The following MAF variants were observed in gnomAD, a reference collection of about 807,000 sequenced individuals.
MAF encodes MAF bZIP transcription factor.
Under a neutral mutation model 22.0 loss-of-function variants are expected in MAF, and 10 were observed. The observed-to-expected ratio is 0.45, with a 90% CI of 0.28 to 0.77. The LOEUF (loss-of-function observed/expected upper bound fraction) is 0.77, where lower values mean the gene tolerates loss of function less well. MAF is among the 30% of genes least tolerant of loss of function. The pLI is 0.12. For synonymous variants in MAF, 337 were observed against 255.8 expected (o/e 1.32, Z -3.03); for missense variants, 544 against 548.4 (o/e 0.99, Z 0.08).
At chr16:79,228,491 G>C in the MAF span, among the ~76,000 whole-genome samples, 1 of 151,968 alleles carries the variant, frequency 6.6e-6, no homozygotes, top group Non-Finnish European at 1.5e-5. Context: ...CTTTGGATAG[G>C]AAAGCTTCAC....
chr16:79,257,760 G>A, the MAF span, among the ~76,000 whole-genome samples: 138 of 152,320 alleles, frequency 9.1e-4, no homozygotes, highest in Admixed American at 1.8e-3. Context: ...GTAAGTGTGA[G>A]CTAGAATCAT....
chr16:79,555,517 A>G, the MAF span, among the ~76,000 whole-genome samples: 3 of 151,816 alleles, frequency 2.0e-5, no homozygotes, highest in East Asian at 1.9e-4. Context: ...TTAAGCTACC[A>G]ATGTAAAATT....
the MAF span, among the ~76,000 whole-genome samples, chr16:79,501,554 G>T: frequency 6.6e-6 from 1 of 150,738 alleles, no homozygotes; most frequent in South Asian, 2.1e-4. Context: ...CAAAGTCTAA[G>T]TTAATTTTCC....
chr16:79,443,440 G>C, the MAF span, among the ~76,000 whole-genome samples: 1 of 152,196 alleles, frequency 6.6e-6, no homozygotes, highest in Non-Finnish European at 1.5e-5. Flanking sequence ...GGGACAGTCT[G>C]GTTGGATGGC....
the MAF span, among the ~76,000 whole-genome samples, chr16:79,374,758 T>A: frequency 6.6e-6 from 1 of 152,186 alleles, no homozygotes; most frequent in African/African-American, 2.4e-5. Context: ...GAAGAGGTAA[T>A]TTATTTTCTC....
At chr16:79,357,473 C>G in the MAF span, among the ~76,000 whole-genome samples, 15 of 152,248 alleles carry the variant, frequency 9.9e-5, no homozygotes, top group Non-Finnish European at 1.6e-4. Flanking sequence ...AACTAATATA[C>G]TTTTTGGGTC....
chr16:79,445,056 C>A, the MAF span, among the ~76,000 whole-genome samples: 3 of 151,950 alleles, frequency 2.0e-5, no homozygotes, highest in Admixed American at 2.0e-4. Flanking sequence ...TTTTTTGAGA[C>A]GGAGTCTCAC....
the MAF span, among the ~76,000 whole-genome samples, chr16:79,342,208 C>T: frequency 6.6e-6 from 1 of 152,210 alleles, no homozygotes; most frequent in Admixed American, 6.5e-5. Flanking sequence ...CTCTCTCCCA[C>T]TTGGAAGCCC....
the MAF span, chr16:79,229,310 G>A: frequency 6.6e-6 from 1 of 151,642 alleles, no homozygotes; most frequent in Admixed American, 6.6e-5. Context: ...AGTGACTCAC[G>A]GATTTGGGGG....
At chr16:79,391,702 G>A in the MAF span, among the ~76,000 whole-genome samples, 1 of 152,140 alleles carries the variant, frequency 6.6e-6, no homozygotes, top group African/African-American at 2.4e-5. Context: ...CTTGATAAAG[G>A]GTGAGAGGAA....
the MAF span, among the ~76,000 whole-genome samples, chr16:79,398,707 C>CA: frequency 6.6e-6 from 1 of 152,000 alleles, no homozygotes; most frequent in Non-Finnish European, 1.5e-5. Context: ...TTGACCTCCC[C>CA]ATCCATAATG....
At chr16:79,536,108 T>C in the MAF span, among the ~76,000 whole-genome samples, 4 of 152,224 alleles carry the variant, frequency 2.6e-5, no homozygotes, top group Non-Finnish European at 4.4e-5. Context: ...CTATGAGACT[T>C]CATGATCCTA....
chr16:79,215,231 C>T, the MAF span, among the ~76,000 whole-genome samples: 2 of 152,176 alleles, frequency 1.3e-5, no homozygotes, highest in Non-Finnish European at 2.9e-5. Context: ...TATATCCATT[C>T]TGGTAGGATG....
At chr16:79,224,001 C>T in the MAF span, among the ~76,000 whole-genome samples, 3 of 152,172 alleles carry the variant, frequency 2.0e-5, no homozygotes, top group East Asian at 1.9e-4. Context: ...TCCTCCTTAA[C>T]TCATTTTATG....
chr16:79,379,501 G>GCACACA, the MAF span, among the ~76,000 whole-genome samples: 39 of 149,750 alleles, frequency 2.6e-4, no homozygotes, highest in Middle Eastern at 3.4e-3. Flanking sequence ...TGGTGGAAGT[G>GCACACA]CACACACACA....
chr16:79,526,911 A>C, the MAF span, among the ~76,000 whole-genome samples: 1 of 152,226 alleles, frequency 6.6e-6, no homozygotes, highest in Non-Finnish European at 1.5e-5. Context: ...TAAAAATAGA[A>C]AGGGGGAATT....
chr16:79,443,008 T>C, the MAF span, among the ~76,000 whole-genome samples: 11 of 152,154 alleles, frequency 7.2e-5, no homozygotes, highest in South Asian at 2.1e-4. Context: ...TGAAGGAATG[T>C]AGAGCAAGGA....
chr16:79,309,809 G>T, the MAF span, among the ~76,000 whole-genome samples: 6 of 152,166 alleles, frequency 3.9e-5, no homozygotes, highest in African/African-American at 1.4e-4. Flanking sequence ...AGAGCAAATT[G>T]AGAAAACTTT....
the MAF span, among the ~76,000 whole-genome samples, chr16:79,226,271 A>G: frequency 1.3e-5 from 2 of 152,182 alleles, no homozygotes; most frequent in African/African-American, 2.4e-5. Flanking sequence ...CAGCAAACCA[A>G]CACAAGAACA....
Sources: allele counts gnomAD v4.1 joint callset (sites outside exome capture counted in the v4.1 genomes callset), GRCh38; gene constraint gnomAD v4.1.1; transcripts MANE v1.5; gene names NCBI Gene and HGNC (gene_info 2026-07-23, HGNC 2026-07-21).